MGAM2: variants seen among roughly 807,000 people sequenced by gnomAD.
The protein encoded by MGAM2 is maltase-glucoamylase 2 (putative), also known as probable maltase-glucoamylase 2.
Under a neutral mutation model 96.1 loss-of-function variants are expected in MGAM2, and 98 were observed. The ratio of observed to expected loss-of-function variants is 1.02; its 90% CI spans 0.87 to 1.21. The LOEUF (loss-of-function observed/expected upper bound fraction) is 1.21, where lower values mean the gene tolerates loss of function less well. Ranked by LOEUF, MGAM2 falls within the 50% of genes most tolerant of loss-of-function variation. The pLI is 0.00. For synonymous variants in MGAM2, 749 were observed against 414.8 expected (o/e 1.81, Z -9.79); for missense variants, 2,055 against 1,182.4 (o/e 1.74, Z -10.82).
chr7:142,145,081 G>T (rs568764071), intron 14 of MGAM2, 136 bp downstream of exon 14: 20 of 589,324 alleles, frequency 3.4e-5, no homozygotes, highest in African/African-American at 3.4e-4. Context: ...CTCCTCTGCC[G>T]AAGTCTCTGC....
intron 43 of MGAM2, 93 bp downstream of exon 43, chr7:142,198,288 G>A: frequency 1.5e-6 from 1 of 648,524 alleles, no homozygotes; most frequent in South Asian, 1.7e-5. Flanking sequence ...TATTTCCTAA[G>A]GCAATAATTT....
In MGAM2 at chr7:142,196,249, A is replaced by G. The variant is rs1192082222; in HGVS notation, c.4442A>G (p.Asn1481Ser). The change falls in exon 38 of 48, where the codon AAC becomes AGC. Residue 1481 changes from asparagine to serine, a missense_variant. Physicochemically the swap from Asn to Ser is conservative, Grantham distance 46. Coordinates refer to ENST00000477922, the MANE Select transcript of MGAM2 (RefSeq NM_001293626.2). Reference sequence around the variant, plus strand: ...TGGGGAGGACACCGGTTGGGAAACAACACAGCTGCATGGGACCAGCTGGGG... The same window carrying G: ...TGGGGAGGACACCGGTTGGGAAACAGCACAGCTGCATGGGACCAGCTGGGG... Reference protein sequence around the residue: ...GRWGGHRLGNNTAAWDQLGKS... With the variant: ...GRWGGHRLGNSTAAWDQLGKS... The G allele has an allele frequency of 2.3e-6, 2 of 872,342 alleles. No individual in the cohort carries two copies. The highest frequency in any genetic ancestry group is 3.3e-5 in the African/African-American group (2 of 60,122). The allele number at this position is 872,342 out of a possible 1,614,324, so 54.0% of individuals were successfully genotyped here. A position where few individuals can be genotyped will look rare whatever the true frequency, so the allele number is the denominator to read the frequency against.
In MGAM2 at chr7:142,166,352, T is replaced by A. The variant is rs949578642; in HGVS notation, c.2808+99T>A. Reference sequence around the variant, plus strand: ...TGTGGCTTGAAGAAAACCAGGACCCTGTGCAACACGCCTTTTGCCAACTCT... The same window carrying A: ...TGTGGCTTGAAGAAAACCAGGACCCAGTGCAACACGCCTTTTGCCAACTCT... On this transcript the variant is annotated intron_variant, in intron 25 of 47. Transcript: ENST00000477922. The A allele has an allele frequency of 8.8e-6, 5 of 567,772 alleles. No individual in the cohort carries two copies. In the African/African-American group the frequency reaches 9.4e-5, roughly 11 times the overall value. The allele number at this position is 567,772 out of a possible 1,614,324, so 35.2% of individuals were successfully genotyped here.
intron 1 of MGAM2, among the ~76,000 whole-genome samples, chr7:142,112,044 G>GTGTGT (rs1817191533): frequency 7.2e-6 from 1 of 138,820 alleles, no homozygotes; most frequent in Non-Finnish European, 1.6e-5. Context: ...GTGTGTGTGT[G>GTGTGT]GTGTCAGTGT....
intron 46 of MGAM2, among the ~76,000 whole-genome samples, chr7:142,214,235 T>A (rs1361535145): frequency 6.6e-6 from 1 of 152,216 alleles, no homozygotes; most frequent in Non-Finnish European, 1.5e-5. Context: ...GCTTTCCCTT[T>A]GAAAACCGGC....
chr7:142,189,198 A>G (rs1796793875), intron 36 of MGAM2, among the ~76,000 whole-genome samples, 169 bp from the exon 37 acceptor site: 1 of 152,208 alleles, frequency 6.6e-6, no homozygotes, highest in Non-Finnish European at 1.5e-5. Flanking sequence ...ACCCTTCATT[A>G]GTTATAAAGA....
intron 31 of MGAM2, 96 bp downstream of exon 31, chr7:142,173,450 CT>C (rs1460235557): frequency 1.6e-6 from 1 of 631,926 alleles, no homozygotes; most frequent in Non-Finnish European, 2.9e-6. Context: ...TCAAAGATAA[CT>C]TGATACATTC....
At position 142,158,332 on chromosome 7, in the gene MGAM2, A is replaced by G. The variant is rs1209265533; in HGVS notation, c.2163A>G (p.Glu721=). The G allele has an allele frequency of 2.6e-5, 18 of 702,796 alleles. No individual in the cohort carries two copies. Among genetic ancestry groups the G allele is most frequent in the Middle Eastern group, 2.3e-4 (1 of 4,392 alleles). 43.5% of individuals were successfully genotyped at this position (702,796 alleles called of 1,614,324 possible). ...PGLLITPVLY[E]GVDEVKAYIP... The stretch of plus-strand genomic sequence containing the variant: ...TCCTCATCACGCCTGTTTTATATGA[A>G]GTATGTTTATCATCTAAACAATGAA... Residue 721 remains glutamate (E), a splice_region_variant and synonymous_variant, in exon 19 of 48, where the codon GAA becomes GAG. Coordinates refer to ENST00000477922, the MANE Select transcript of MGAM2 (RefSeq NM_001293626.2).
At chr7:142,187,711 C>T (rs1041334349) in intron 35 of MGAM2, 39 bp from the exon 36 acceptor site, 1 of 700,036 alleles carries the variant, frequency 1.4e-6, no homozygotes, top group Non-Finnish European at 2.6e-6. Flanking sequence ...CCATCCTGCC[C>T]CTGACATGAC....
chr7:142,176,095 C>CAAA (rs61345348), intron 32 of MGAM2, among the ~76,000 whole-genome samples: 133 of 131,276 alleles, frequency 1.0e-3, no homozygotes, highest in Non-Finnish European at 1.8e-3. Flanking sequence ...CTGAAGATAG[C>CAAA]AAAAAAAAAA....
intron 32 of MGAM2, among the ~76,000 whole-genome samples, chr7:142,180,289 CA>C (rs1241171659): frequency 2.0e-5 from 3 of 152,030 alleles, no homozygotes; most frequent in South Asian, 2.1e-4. Flanking sequence ...TTTATCCTTT[CA>C]AAAAAACAGC....
chr7:142,166,427 C>T (rs996168494), intron 25 of MGAM2, among the ~76,000 whole-genome samples, 174 bp downstream of exon 25: 1 of 152,078 alleles, frequency 6.6e-6, no homozygotes, highest in Admixed American at 6.6e-5. Context: ...TCAGAAGAAA[C>T]TTATTGCCAT....
intron 10 of MGAM2, among the ~76,000 whole-genome samples, 153 bp from the exon 11 acceptor site, chr7:142,140,649 C>T (rs1795192806): frequency 6.6e-6 from 1 of 152,156 alleles, no homozygotes; most frequent in African/African-American, 2.4e-5. Flanking sequence ...TCAAAGATAG[C>T]TTATTTTCTC....
intron 46 of MGAM2, among the ~76,000 whole-genome samples, chr7:142,217,230 A>T (rs772785682): frequency 1.4e-4 from 22 of 152,160 alleles, no homozygotes; most frequent in Non-Finnish European, 2.5e-4. Flanking sequence ...TAAACAATTC[A>T]TGATTTGGTT....
At position 142,131,980 on chromosome 7, in the gene MGAM2, A is replaced by G. The variant is rs1379084242; in HGVS notation, c.470A>G (p.Asn157Ser). ...TATGAAGTTTCCCATGAAAATATTAACCTGGTTGATGGGATTGCTGATGCC... is the reference window on the plus strand; with the variant it reads ...TATGAAGTTTCCCATGAAAATATTAGCCTGGTTGATGGGATTGCTGATGCC... ...IRYEVSHENI[N>S]LVDGIADASN... The change falls in exon 6 of 48, where the codon AAC becomes AGC. Residue 157 changes from asparagine (N) to serine (S), a missense_variant. By Grantham distance (46) the Asn-to-Ser change is conservative (BLOSUM62 1). Transcript: ENST00000477922. The G allele has an allele frequency of 1.4e-6, 1 of 702,928 alleles. No individual in the cohort carries two copies. Among genetic ancestry groups the G allele is most frequent in the East Asian group, 2.7e-5 (1 of 37,280 alleles). The allele number at this position is 702,928 out of a possible 1,614,324, so 43.5% of individuals were successfully genotyped here. A position where few individuals can be genotyped will look rare whatever the true frequency, so the allele number is the denominator to read the frequency against.
At chr7:142,182,151 A>G (rs1258125459) in intron 32 of MGAM2, among the ~76,000 whole-genome samples, 1 of 152,134 alleles carries the variant, frequency 6.6e-6, no homozygotes, top group Admixed American at 6.5e-5. Context: ...CTCAAGCCTC[A>G]GCCGCAGATC....
At chr7:142,174,154 C>G (rs937980346) in intron 31 of MGAM2, among the ~76,000 whole-genome samples, 3 of 152,104 alleles carry the variant, frequency 2.0e-5, no homozygotes, top group Non-Finnish European at 4.4e-5. Context: ...ATTGCGTTGG[C>G]TATTCGGGCT....
intron 45 of MGAM2, among the ~76,000 whole-genome samples, chr7:142,206,154 T>C (rs1239757349): frequency 1.3e-5 from 2 of 152,226 alleles, no homozygotes; most frequent in African/African-American, 4.8e-5. Context: ...ATATGTCTAT[T>C]CTTATGTCAG....
rs1817243636 is a variant in MGAM2, at chr7:142,113,451, G to A, written c.-1+1644G>A. Among the ~76,000 whole-genome samples, 4 of 152,088 alleles carry A rather than the reference G, an allele frequency of 2.6e-5. No homozygotes were observed. The South Asian group carries it at 8.3e-4, about 31-fold the overall frequency. ...CTTGGGTAATGACCCAAAGATACCG[G>A]GAAAGTAGTCTGACTGAACTGTTAA... On this transcript the variant is annotated intron_variant, in intron 1 of 47. Transcript: ENST00000477922.
Sources: allele counts gnomAD v4.1 joint callset (sites outside exome capture counted in the v4.1 genomes callset), GRCh38; gene constraint gnomAD v4.1.1; transcripts MANE v1.5; gene names NCBI Gene and HGNC (gene_info 2026-07-23, HGNC 2026-07-21).